LIMA1: variants seen among roughly 807,000 people sequenced by gnomAD.
LIMA1 encodes the protein LIM domain and actin binding 1.
In LIMA1, 52 loss-of-function variants were observed where a neutral mutation model predicts 62.6. That is an observed-to-expected ratio of 0.83 (90% CI 0.67 to 1.05). The LOEUF is 1.05. LIMA1 is among the 50% of genes least tolerant of loss of function. The pLI, the probability that LIMA1 is intolerant of heterozygous loss-of-function variation, is 0.00. For synonymous variants in LIMA1, 302 were observed against 317.8 expected (o/e 0.95, Z 0.53); for missense variants, 780 against 902.2 (o/e 0.86, Z 1.74).
intron 8 of LIMA1, among the ~76,000 whole-genome samples, chr12:50,193,992 TA>T (rs34067071): frequency 0.53 from 70,523 of 132,448 alleles, 17,743 homozygotes; most frequent in East Asian, 0.73. Context: ...TATATATATA[TA>T]TATATTTTTT....
chr12:50,263,608 A>T (rs1201433519), intron 1 of LIMA1, among the ~76,000 whole-genome samples: 1 of 151,906 alleles, frequency 6.6e-6, no homozygotes, highest in Non-Finnish European at 1.5e-5. Context: ...AATATTTCTT[A>T]TTGTGGGGTA....
chr12:50,251,418 CA>C (rs1941928070), intron 1 of LIMA1, among the ~76,000 whole-genome samples: 1 of 151,862 alleles, frequency 6.6e-6, no homozygotes, highest in South Asian at 2.1e-4. Context: ...GTCAGGTGTC[CA>C]AGACCAGCCT....
intron 1 of LIMA1, among the ~76,000 whole-genome samples, chr12:50,257,769 G>A (rs1298267345): frequency 6.6e-6 from 1 of 152,158 alleles, no homozygotes; most frequent in African/African-American, 2.4e-5. Context: ...GTCTCAAGTA[G>A]TAACAGTAGT....
chr12:50,193,606 A>ATG (rs66950765), intron 8 of LIMA1, among the ~76,000 whole-genome samples: 107,156 of 111,572 alleles, frequency 0.96, 51,566 homozygotes, highest in Non-Finnish European at 0.99. Flanking sequence ...ATATATATAC[A>ATG]TGTATATATA....
chr12:50,225,286 G>A (rs1941509877), intron 3 of LIMA1, among the ~76,000 whole-genome samples: 3 of 151,782 alleles, frequency 2.0e-5, no homozygotes, highest in Admixed American at 1.3e-4. Context: ...AACTTATTGG[G>A]GGAAAAACTC....
chr12:50,218,819 G>A (rs1248269274), intron 4 of LIMA1, among the ~76,000 whole-genome samples: 1 of 150,360 alleles, frequency 6.7e-6, no homozygotes, highest in Non-Finnish European at 1.5e-5. Flanking sequence ...AGGCAGAGGG[G>A]TCAAGGCTGC....
At chr12:50,203,576 C>T (rs947367393) in intron 6 of LIMA1, among the ~76,000 whole-genome samples, 7 of 151,886 alleles carry the variant, frequency 4.6e-5, no homozygotes, top group Non-Finnish European at 1.0e-4. Context: ...ACCATGCTGG[C>T]TAATTTTTGT....
chr12:50,229,648 CA>C (rs925258071), intron 3 of LIMA1: 1 of 151,968 alleles, frequency 6.6e-6, no homozygotes, highest in African/African-American at 2.4e-5. Context: ...ACATATGTAA[CA>C]AACCTGCATG....
At chr12:50,276,430 G>A (rs979247011) in intron 1 of LIMA1, among the ~76,000 whole-genome samples, 6 of 152,096 alleles carry the variant, frequency 3.9e-5, no homozygotes, top group Admixed American at 3.9e-4. Flanking sequence ...TATTGGTTTG[G>A]TACTTCAAAG....
chr12:50,216,935 T>TAG, intron 4 of LIMA1, among the ~76,000 whole-genome samples: 1 of 152,184 alleles, frequency 6.6e-6, no homozygotes, highest in African/African-American at 2.4e-5. Flanking sequence ...TCATCAAATG[T>TAG]AGAGAATAAC....
chr12:50,263,993 A>C (rs943110282), intron 1 of LIMA1, among the ~76,000 whole-genome samples: 1 of 151,606 alleles, frequency 6.6e-6, no homozygotes, highest in South Asian at 2.1e-4. Flanking sequence ...AAGGATGAAC[A>C]AAATGTGGTA....
chr12:50,263,859 A>G (rs2358540), intron 1 of LIMA1, among the ~76,000 whole-genome samples: 26,888 of 74,416 alleles, frequency 0.36, 3,057 homozygotes, highest in East Asian at 0.48. Flanking sequence ...TATAGAGAGT[A>G]TATATATATA....
intron 1 of LIMA1, among the ~76,000 whole-genome samples, chr12:50,266,477 A>G (rs1942139627): frequency 6.6e-6 from 1 of 152,202 alleles, no homozygotes; most frequent in African/African-American, 2.4e-5. Context: ...ATCTTTCAGT[A>G]CCTCATAATA....
intron 4 of LIMA1, chr12:50,217,688 G>A (rs541798332): frequency 1.1e-3 from 265 of 242,086 alleles, no homozygotes; most frequent in Non-Finnish European, 1.5e-3. Flanking sequence ...TCGTGGGGCA[G>A]CACCCGCAGG....
intron 1 of LIMA1, among the ~76,000 whole-genome samples, chr12:50,262,076 C>CA (rs972358054): frequency 5.3e-4 from 80 of 151,934 alleles, no homozygotes; most frequent in African/African-American, 1.7e-3. Context: ...AGATAGCCAT[C>CA]AAAAAAATGG....
At chr12:50,276,173 T>G (rs1942273739) in intron 1 of LIMA1, among the ~76,000 whole-genome samples, 1 of 151,808 alleles carries the variant, frequency 6.6e-6, no homozygotes, top group African/African-American at 2.4e-5. Context: ...GGCAAAAAAC[T>G]AAAAGGGGAA....
At chr12:50,231,885 A>G (rs1941617159) in intron 2 of LIMA1, among the ~76,000 whole-genome samples, 175 bp from the exon 3 acceptor site, 1 of 151,992 alleles carries the variant, frequency 6.6e-6, no homozygotes, top group South Asian at 2.1e-4. Context: ...CTCCTGTCTC[A>G]GCCTCCAGAA....
intron 1 of LIMA1, among the ~76,000 whole-genome samples, chr12:50,260,969 T>C (rs1942059721): frequency 6.7e-6 from 1 of 149,402 alleles, no homozygotes; most frequent in South Asian, 2.1e-4. Context: ...TATTTACTTA[T>C]TTACTTATCA....
At chr12:50,238,512 A>T (rs1331297896) in intron 2 of LIMA1, among the ~76,000 whole-genome samples, 1 of 149,370 alleles carries the variant, frequency 6.7e-6, no homozygotes, top group Admixed American at 6.6e-5. Context: ...GTCTCAAAAA[A>T]AACAAAACAA....
Sources: gnomAD v4.1 joint callset for allele counts (sites outside exome capture counted in the v4.1 genomes callset) on GRCh38, gnomAD v4.1.1 for gene constraint, MANE v1.5 for transcripts, NCBI Gene and HGNC (gene_info 2026-07-23, HGNC 2026-07-21) for gene names.